SORBS2: variants seen among roughly 807,000 people sequenced by gnomAD.
SORBS2 encodes sorbin and SH3 domain-containing protein 2.
SORBS2 carries 46 observed loss-of-function variants against 97.7 expected under a neutral mutation model. The ratio of observed to expected loss-of-function variants is 0.47; its 90% CI spans 0.37 to 0.60. The LOEUF is 0.60. Ranked by LOEUF, SORBS2 falls within the 20% of genes least tolerant of loss-of-function variation. The pLI is 0.00. For synonymous variants in SORBS2, 476 were observed against 473.4 expected (o/e 1.01, Z -0.07); for missense variants, 1,316 against 1,282.3 (o/e 1.03, Z -0.40).
At chr4:185,849,517 T>A (rs915395548) in intron 1 of SORBS2, among the ~76,000 whole-genome samples, 1 of 148,274 alleles carries the variant, frequency 6.7e-6, no homozygotes, top group Admixed American at 6.8e-5. Context: ...CATTATAAAA[T>A]AAGTCCACTC....
chr4:185,671,713 A>G lies in SORBS2; in HGVS notation c.-46+6710T>C, dbSNP rs567236331. Among the ~76,000 whole-genome samples the G allele has an allele frequency of 9.2e-5, 14 of 152,346 alleles. No individual in the cohort carries two copies. The East Asian group carries it at 2.3e-3, about 25-fold the overall frequency. ...CACTGTCAGATAGAGGCGGAAGAACATTCTGTCTCTTTTGCTCTGTGGATA... is the reference window on the plus strand; with the variant it reads ...CACTGTCAGATAGAGGCGGAAGAACGTTCTGTCTCTTTTGCTCTGTGGATA... On this transcript the variant is annotated intron_variant, in intron 4 of 20. Transcript: ENST00000284776.
chr4:185,900,139 AGAAGAAGGG>A (rs961742452), intron 1 of SORBS2, among the ~76,000 whole-genome samples: 6 of 152,216 alleles, frequency 3.9e-5, no homozygotes, highest in African/African-American at 1.4e-4. Context: ...AAAAATAAAA[AGAAGAAGGG>A]GAAGAAAGGA....
chr4:185,635,187 T>C lies in SORBS2; in HGVS notation c.397-4589A>G, dbSNP rs10025428. Among the ~76,000 whole-genome samples the C allele has an allele frequency of 4.7e-3, 722 of 152,322 alleles. 5 individuals carry two copies. Among genetic ancestry groups the C allele is most frequent in the African/African-American group, 0.017 (700 of 41,578 alleles). Reference sequence around the variant, plus strand: ...CCAGAGATAGCCAACAACTCTGGTATAATTAATGTCCAGGCAATGATACTG... The same window carrying C: ...CCAGAGATAGCCAACAACTCTGGTACAATTAATGTCCAGGCAATGATACTG... On this transcript the variant is annotated intron_variant, in intron 4 of 14. Transcript: ENST00000418609.
intron 1 of SORBS2, among the ~76,000 whole-genome samples, chr4:185,940,979 G>C (rs915004893): frequency 1.9e-4 from 29 of 152,278 alleles, no homozygotes; most frequent in Middle Eastern, 6.8e-3. Flanking sequence ...CTAGTGAGTA[G>C]AGGCTAGGGA....
chr4:185,854,480 T>TG (rs2099219609), intron 1 of SORBS2, among the ~76,000 whole-genome samples: 1 of 152,186 alleles, frequency 6.6e-6, no homozygotes, highest in African/African-American at 2.4e-5. Context: ...GGAACACAGT[T>TG]GGTGTAATTC....
At position 185,897,265 on chromosome 4, in the gene SORBS2, T is replaced by G. The variant is rs1388024056; in HGVS notation, c.-338+58931A>C. ...AAGACACTCTCTGACCCACCTTGTT[T>G]GAGTGTAGGTATGAGATCCGATTCC... On this transcript the variant is annotated intron_variant, in intron 1 of 20. Transcript: ENST00000284776. Among the ~76,000 whole-genome samples, 3 of 152,174 alleles carry G rather than the reference T, an allele frequency of 2.0e-5. No homozygotes were observed. In the South Asian group the frequency reaches 6.2e-4, roughly 32 times the overall value.
chr4:185,883,635 AC>A (rs2099237944), intron 1 of SORBS2, among the ~76,000 whole-genome samples: 1 of 152,244 alleles, frequency 6.6e-6, no homozygotes, highest in Non-Finnish European at 1.5e-5. Flanking sequence ...GAATACACAA[AC>A]AAAATGTGGT....
chr4:185,929,071 A>T (rs576642476), intron 1 of SORBS2, among the ~76,000 whole-genome samples: 3 of 152,336 alleles, frequency 2.0e-5, no homozygotes, highest in African/African-American at 7.2e-5. Context: ...ATATTCCTTT[A>T]AACTAAACAT....
chr4:185,717,293 G>A (rs11132338), intron 2 of SORBS2, among the ~76,000 whole-genome samples: 134,715 of 152,256 alleles, frequency 0.88, 59,621 homozygotes, highest in Admixed American at 0.92. Context: ...CAAAATGCCA[G>A]AAGAAAAGGG....
rs2099247135 is a variant in SORBS2 at position 185,900,474 on chromosome 4, A to C, written c.-338+55722T>G. ...CATACCTAAAAACATTCCATGCATAAAATAATGAAGACTACTAGGTTATAG... is the reference window on the plus strand; with the variant it reads ...CATACCTAAAAACATTCCATGCATACAATAATGAAGACTACTAGGTTATAG... On this transcript the variant is annotated intron_variant, in intron 1 of 20. Transcript: ENST00000284776. Among the ~76,000 whole-genome samples the C allele has an allele frequency of 2.0e-5, 3 of 152,206 alleles. No individual in the cohort carries two copies. The South Asian group carries it at 6.2e-4, about 32-fold the overall frequency.
intron 1 of SORBS2, among the ~76,000 whole-genome samples, chr4:185,934,051 A>C (rs1240128654): frequency 6.6e-6 from 1 of 152,218 alleles, no homozygotes; most frequent in African/African-American, 2.4e-5. Context: ...TAAAATCTTT[A>C]GGGAAGACAC....
At chr4:185,754,698 G>T (rs1011691825) in intron 2 of SORBS2, among the ~76,000 whole-genome samples, 2 of 152,146 alleles carry the variant, frequency 1.3e-5, no homozygotes, top group Admixed American at 1.3e-4. Context: ...GTGGAGTGTG[G>T]GGTGGGGGGC....
At chr4:185,938,424 A>ACACACACACAC (rs2099270179) in intron 1 of SORBS2, among the ~76,000 whole-genome samples, 1 of 147,252 alleles carries the variant, frequency 6.8e-6, no homozygotes, top group Non-Finnish European at 1.5e-5. Context: ...ACACACACAC[A>ACACACACACAC]CACACACCCT....
intron 1 of SORBS2, among the ~76,000 whole-genome samples, chr4:185,925,661 G>T (rs1172200752): frequency 6.6e-6 from 1 of 152,002 alleles, no homozygotes; most frequent in Non-Finnish European, 1.5e-5. Flanking sequence ...TACACATTTC[G>T]CTGAGTGACA....
chr4:185,867,245 C>T (rs576189222), intron 1 of SORBS2, among the ~76,000 whole-genome samples: 67 of 152,216 alleles, frequency 4.4e-4, no homozygotes, highest in Non-Finnish European at 6.8e-4. Flanking sequence ...CTCCTGGCCT[C>T]GTGATCCGCC....
intron 4 of SORBS2, 22 bp from the exon 14 acceptor site, chr4:185,639,057 A>T: frequency 6.7e-7 from 1 of 1,502,400 alleles, no homozygotes; most frequent in Non-Finnish European, 8.9e-7. Flanking sequence ...AGGGGTGCAG[A>T]AACTGGTTCA....
chr4:185,716,643 T>C (rs1424403051), intron 2 of SORBS2, among the ~76,000 whole-genome samples: 2 of 152,174 alleles, frequency 1.3e-5, no homozygotes, highest in Non-Finnish European at 2.9e-5. Context: ...AAGGATGAAT[T>C]CTTCTGGGCT....
intron 1 of SORBS2, among the ~76,000 whole-genome samples, chr4:185,814,541 G>C (rs950728376): frequency 1.4e-5 from 2 of 147,682 alleles, no homozygotes; most frequent in African/African-American, 5.1e-5. Flanking sequence ...CTCTGTCTCT[G>C]TTTTTAGTAG....
chr4:185,930,811 T>TAAAAA (rs2099266053), intron 1 of SORBS2, among the ~76,000 whole-genome samples: 2 of 152,232 alleles, frequency 1.3e-5, no homozygotes, highest in Admixed American at 1.3e-4. Flanking sequence ...CAGAATTCTG[T>TAAAAA]GATGGAAAAA....
Sources: gnomAD v4.1 joint callset for allele counts (sites outside exome capture counted in the v4.1 genomes callset) on GRCh38, gnomAD v4.1.1 for gene constraint, MANE v1.5 for transcripts, NCBI Gene and HGNC (gene_info 2026-07-23, HGNC 2026-07-21) for gene names.